Variants in ZNF124 observed in about 807,000 individuals in gnomAD.
ZNF124 encodes the protein zinc finger protein 124.
Under a neutral mutation model 26.6 loss-of-function variants are expected in ZNF124, and 25 were observed. The observed-to-expected ratio is 0.94, with a 90% CI of 0.68 to 1.31. The LOEUF is 1.31. ZNF124 is among the 40% of genes most tolerant of loss of function. The pLI is 0.00. For missense variants in ZNF124, 444 were observed against 422.2 expected, an observed-to-expected ratio of 1.05 and a Z score of -0.45; for synonymous variants, 129 against 133.3, an observed-to-expected ratio of 0.97 and a Z score of 0.22.
intron 1 of ZNF124, among the ~76,000 whole-genome samples, chr1:247,160,807 G>A (rs576396126): frequency 5.3e-5 from 8 of 152,228 alleles, no homozygotes; most frequent in African/African-American, 1.9e-4. Context: ...CCCAATCCAC[G>A]TGGTTACACA....
At chr1:247,158,910 T>C (rs1355927121) in intron 3 of ZNF124, 96 bp downstream of exon 3, 20 of 1,154,136 alleles carry the variant, frequency 1.7e-5, no homozygotes, top group Non-Finnish European at 2.4e-5. Context: ...ATTACAGGTG[T>C]GAGCCACCAT....
chr1:247,140,924 C>T (rs530812695), intron 3 of ZNF124, among the ~76,000 whole-genome samples: 68 of 152,286 alleles, frequency 4.5e-4, no homozygotes, highest in African/African-American at 1.5e-3. Flanking sequence ...TAAATTGTGG[C>T]TTGGCACTCT....
intron 3 of ZNF124, among the ~76,000 whole-genome samples, chr1:247,140,440 C>T (rs536350305): frequency 3.4e-4 from 52 of 152,268 alleles, no homozygotes; most frequent in Non-Finnish European, 5.7e-4. Context: ...ATCTTAATTC[C>T]TATCCATATT....
At chr1:247,130,688 G>GT (rs1245328962) in intron 3 of ZNF124, among the ~76,000 whole-genome samples, 6 of 152,220 alleles carry the variant, frequency 3.9e-5, no homozygotes, top group African/African-American at 1.2e-4. Flanking sequence ...GGTATGAAAT[G>GT]TAAGTGCCTT....
downstream of ZNF124, among the ~76,000 whole-genome samples, chr1:247,154,117 GACAC>G (rs67344627): frequency 4.0e-5 from 6 of 149,564 alleles, no homozygotes; most frequent in African/African-American, 1.3e-4. Flanking sequence ...GCATATGTGT[GACAC>G]ACACACACAC....
chr1:247,140,593 G>C (rs10924928), intron 3 of ZNF124, among the ~76,000 whole-genome samples: 39,151 of 152,106 alleles, frequency 0.26, 5,760 homozygotes, highest in African/African-American at 0.4. Context: ...CATGTCTGCA[G>C]GTGGGTGTTC....
intron 3 of ZNF124, among the ~76,000 whole-genome samples, chr1:247,146,376 C>A (rs1672779342): frequency 6.6e-6 from 1 of 152,164 alleles, no homozygotes. Context: ...CTTTTGAGGT[C>A]TTTCATAAGA....
chr1:247,150,719 T>C (rs1338961592), downstream of ZNF124, among the ~76,000 whole-genome samples: 1 of 152,018 alleles, frequency 6.6e-6, no homozygotes, highest in Non-Finnish European at 1.5e-5. Context: ...ATAAATTATA[T>C]TTTGTTAGCT....
At chr1:247,165,916 G>T (rs1400484084) in intron 1 of ZNF124, among the ~76,000 whole-genome samples, 1 of 152,198 alleles carries the variant, frequency 6.6e-6, no homozygotes, top group African/African-American at 2.4e-5. Context: ...GGTGGTTCAT[G>T]CCTGTAATCC....
rs1313185631 is a variant in ZNF124 at position 247,155,101 on chromosome 1, T to G, written c.*1465A>C. 6.6e-6 allele frequency among the ~76,000 whole-genome samples: 1 copy of G among 152,182 alleles called. No homozygotes were observed. The highest frequency in any genetic ancestry group is 1.5e-5 in the Non-Finnish European group (1 of 68,028). On this transcript the variant is annotated 3_prime_UTR_variant, in exon 4 of 4. Coordinates refer to ENST00000543802, the MANE Select transcript of ZNF124 (RefSeq NM_001297568.2). ...ACACAAGACACTGTTCGATCACAGGTCTCTCTCCTTAAACCAATGTTACCT... is the reference window on the plus strand; with the variant it reads ...ACACAAGACACTGTTCGATCACAGGGCTCTCTCCTTAAACCAATGTTACCT...
chr1:247,131,678 A>G (rs766659262), intron 3 of ZNF124, among the ~76,000 whole-genome samples: 3 of 152,230 alleles, frequency 2.0e-5, no homozygotes, highest in Non-Finnish European at 4.4e-5. Flanking sequence ...GTTTGCAGCC[A>G]GAGTGCCTCT....
At position 247,156,833 on chromosome 1, in the gene ZNF124, T is replaced by G. The variant is rs1673165034; in HGVS notation, c.789A>C (p.Pro263=). The G allele has an allele frequency of 6.2e-7, 1 of 1,614,190 alleles. No individual in the cohort carries two copies. Among genetic ancestry groups the G allele is most frequent in the Non-Finnish European group, 8.5e-7 (1 of 1,180,022 alleles). ...IKAHAGEEPY[P]CKQCGKAFRY... is the part of the protein sequence containing the mutation. ...TGAAGGCTTTCCCACATTGCTTACA[T>G]GGATAGGGTTCTTCACCAGCATGAG... Residue 263 remains proline, a synonymous_variant, in exon 4 of 4, where the codon CCA becomes CCC. Coordinates refer to ENST00000543802, the MANE Select transcript of ZNF124 (RefSeq NM_001297568.2).
At chr1:247,146,903 G>A (rs1008048602) in intron 3 of ZNF124, among the ~76,000 whole-genome samples, 1 of 152,178 alleles carries the variant, frequency 6.6e-6, no homozygotes, top group African/African-American at 2.4e-5. Flanking sequence ...GTACCGGGGG[G>A]TAGCTTCTGA....
At chr1:247,159,900 C>A in intron 1 of ZNF124, 87 bp from the exon 2 acceptor site, 1 of 1,441,460 alleles carries the variant, frequency 6.9e-7, no homozygotes. Context: ...TCATCTGATT[C>A]TGTGGCGAAC....
Position 247,168,527 on chromosome 1 carries a change from C to A in ZNF124, c.30+3321G>T, listed in dbSNP as rs922597710. Among the ~76,000 whole-genome samples the A allele has an allele frequency of 1.3e-4, 19 of 151,860 alleles. No homozygotes were observed. Among genetic ancestry groups the A allele is most frequent in the Non-Finnish European group, 1.5e-4 (10 of 67,960 alleles). ...ACAGCCTGGGTAACAGAGTGAGACT[C>A]TGTCTCAATTAAAAAACAAACAAAC... On this transcript the variant is annotated intron_variant, in intron 1 of 3. Coordinates refer to ENST00000543802, the MANE Select transcript of ZNF124 (RefSeq NM_001297568.2). The surrounding 1 kb of genome is among the most constrained non-coding windows in gnomAD (Gnocchi z 4.0).
chr1:247,157,300 T>C lies in ZNF124; in HGVS notation c.322A>G (p.Arg108Gly), dbSNP rs755419205. Residue 108 changes from arginine (R) to glycine (G), a missense_variant, in exon 4 of 4, where the codon AGG becomes GGG. By Grantham distance (125) the Arg-to-Gly change is moderately radical (BLOSUM62 -2). Coordinates refer to ENST00000543802, the MANE Select transcript of ZNF124 (RefSeq NM_001297568.2). ...TGCATTACTGTGTCTCTGTGAACCC[T>C]TGTGACAGAAAGGGAAGTTTTCTGA... ...QCQKTSLSVT[R>G]VHRDTVMHTG... 27 of 1,601,002 alleles carry C rather than the reference T, an allele frequency of 1.7e-5. No homozygotes were observed. Among genetic ancestry groups the C allele is most frequent in the Non-Finnish European group, 2.0e-5 (23 of 1,172,460 alleles).
chr1:247,159,054 T>TC lies in ZNF124; in HGVS notation c.169dup (p.Glu57GlyfsTer6), dbSNP rs558305005. ...GTACTGATCTTCAATGCTCTGGTCT[T>TC]CCCCTTTGTTTCCTAAAATGTAGAC... On this transcript the variant is annotated frameshift_variant, in exon 3 of 4. Coordinates refer to ENST00000543802, the MANE Select transcript of ZNF124 (RefSeq NM_001297568.2). LOFTEE classifies it high-confidence loss of function. The TC allele has an allele frequency of 1.1e-4, 178 of 1,611,624 alleles. No individual in the cohort carries two copies. The highest frequency in any genetic ancestry group is 1.1e-3 in the South Asian group (96 of 90,308).
At chr1:247,144,470 T>G (rs772074672) in intron 3 of ZNF124, among the ~76,000 whole-genome samples, 1 of 152,130 alleles carries the variant, frequency 6.6e-6, no homozygotes, top group Non-Finnish European at 1.5e-5. Context: ...AGAGCTGATG[T>G]GAAAGTCAGC....
chr1:247,162,464 G>A (rs1201073964), intron 1 of ZNF124, among the ~76,000 whole-genome samples: 1 of 151,910 alleles, frequency 6.6e-6, no homozygotes, highest in Non-Finnish European at 1.5e-5. Flanking sequence ...GGAGCAATAG[G>A]CCATACCATA....
Sources: gnomAD v4.1 joint callset for allele counts (sites outside exome capture counted in the v4.1 genomes callset) on GRCh38, gnomAD v4.1.1 for gene constraint, Gnocchi (gnomAD v3.1) non-coding constraint, MANE v1.5 for transcripts, NCBI Gene and HGNC (gene_info 2026-07-23, HGNC 2026-07-21) for gene names.